Variants in RAPGEF1 observed in about 807,000 individuals in gnomAD.
RAPGEF1 encodes the protein CRK SH3-binding GNRP.
Under a neutral mutation model 143.3 loss-of-function variants are expected in RAPGEF1, and 33 were observed. That is an observed-to-expected ratio of 0.23 (90% confidence interval 0.17 to 0.31). RAPGEF1 has a LOEUF of 0.31. RAPGEF1 is among the 10% of genes least tolerant of loss of function. RAPGEF1 has a pLI of 1.00. For synonymous variants in RAPGEF1, 629 were observed against 676.5 expected (o/e 0.93, Z 1.09); for missense variants, 1,199 against 1,645.4 (o/e 0.73, Z 4.69).
chr9:131,582,833 C>T (rs553285603), intron 24 of RAPGEF1, 131 bp from the exon 25 acceptor site: 9 of 695,200 alleles, frequency 1.3e-5, no homozygotes, highest in South Asian at 3.9e-5. Context: ...GGTCCCACTA[C>T]GCACAAACAC....
At chr9:131,595,577 T>G (rs920458631) in intron 17 of RAPGEF1, among the ~76,000 whole-genome samples, 3 of 152,084 alleles carry the variant, frequency 2.0e-5, no homozygotes, top group Non-Finnish European at 4.4e-5. Flanking sequence ...AGAAGCAGCG[T>G]GTGGAGAGAC....
chr9:131,585,128 T>C (rs932287243), intron 22 of RAPGEF1, among the ~76,000 whole-genome samples: 1 of 152,172 alleles, frequency 6.6e-6, no homozygotes, highest in Non-Finnish European at 1.5e-5. Context: ...GGCCTCAATT[T>C]CCTGTGGTTC....
chr9:131,733,850 C>A (rs1837248108), intron 1 of RAPGEF1, among the ~76,000 whole-genome samples: 1 of 152,228 alleles, frequency 6.6e-6, no homozygotes, highest in African/African-American at 2.4e-5. Context: ...CAAGCTCACA[C>A]ATGACTCATC....
chr9:131,732,661 C>G (rs2131344300), intron 1 of RAPGEF1, among the ~76,000 whole-genome samples: 1 of 151,722 alleles, frequency 6.6e-6, no homozygotes, highest in South Asian at 2.1e-4. Flanking sequence ...AGATATTGGT[C>G]CTACTAATGT....
At chr9:131,684,747 G>A (rs370322791) in intron 1 of RAPGEF1, among the ~76,000 whole-genome samples, 2 of 152,302 alleles carry the variant, frequency 1.3e-5, no homozygotes, top group East Asian at 1.9e-4. Context: ...TAGAGGTTAT[G>A]CTTGTATTTC....
chr9:131,604,952 G>C lies in RAPGEF1; in HGVS notation c.2298C>G (p.Ser766=). 7.6e-7 allele frequency: 1 copy of C among 1,307,684 alleles called. No homozygotes were observed. Among genetic ancestry groups the C allele is most frequent in the Non-Finnish European group, 1.0e-6 (1 of 990,786 alleles). The allele number at this position is 1,307,684 out of a possible 1,614,324, so 81.0% of individuals were successfully genotyped here. A position where few individuals can be genotyped will look rare whatever the true frequency, so the allele number is the denominator to read the frequency against. Reference sequence around the variant, plus strand: ...TCACCGAGTCAGTGAAAGAGGTTTCGGAAGGAAGGCAGACAGTATTCCCAT... The same window carrying C: ...TCACCGAGTCAGTGAAAGAGGTTTCCGAAGGAAGGCAGACAGTATTCCCAT... ...SFHGNTVCLP[S]ETSFTDSSEN... The change falls in exon 13 of 27, where the codon TCC becomes TCG. Residue 766 remains serine (S), a synonymous_variant. Transcript: ENST00000683357.
chr9:131,598,122 A>G (rs1315678224), intron 16 of RAPGEF1, 77 bp downstream of exon 16: 8 of 1,279,890 alleles, frequency 6.3e-6, no homozygotes, highest in Non-Finnish European at 8.9e-6. Flanking sequence ...GCTTATGACA[A>G]GATCACATTC....
At chr9:131,648,489 C>G (rs1334235741) in intron 3 of RAPGEF1, among the ~76,000 whole-genome samples, 2 of 152,290 alleles carry the variant, frequency 1.3e-5, no homozygotes, top group Admixed American at 1.3e-4. Context: ...AATTCACTAG[C>G]AGGATAACGT....
intron 15 of RAPGEF1, among the ~76,000 whole-genome samples, chr9:131,600,234 C>T (rs895401303): frequency 5.6e-4 from 85 of 152,314 alleles, no homozygotes; most frequent in African/African-American, 1.9e-3. Flanking sequence ...GTGGTTTGGC[C>T]TTGATGGAGG....
chr9:131,665,337 G>C (rs982469404), intron 1 of RAPGEF1, among the ~76,000 whole-genome samples: 2 of 152,080 alleles, frequency 1.3e-5, no homozygotes, highest in African/African-American at 4.8e-5. Context: ...TTTTGCTTGA[G>C]TCCATCTGGC....
chr9:131,601,456 G>A (rs1489612768), intron 15 of RAPGEF1, among the ~76,000 whole-genome samples: 1 of 152,220 alleles, frequency 6.6e-6, no homozygotes, highest in Non-Finnish European at 1.5e-5. Context: ...AATTTGTAAG[G>A]TAGATAATAT....
chr9:131,711,624 C>T (rs1315640360), intron 1 of RAPGEF1, among the ~76,000 whole-genome samples: 1 of 152,228 alleles, frequency 6.6e-6, no homozygotes, highest in Non-Finnish European at 1.5e-5. Context: ...TCCCAAAGTG[C>T]TGGGATTACA....
chr9:131,733,854 A>G (rs1837248657), intron 1 of RAPGEF1, among the ~76,000 whole-genome samples: 1 of 152,050 alleles, frequency 6.6e-6, no homozygotes, highest in Non-Finnish European at 1.5e-5. Flanking sequence ...CTCACACATG[A>G]CTCATCTCTA....
chr9:131,618,327 T>C (rs1384441019), intron 12 of RAPGEF1, among the ~76,000 whole-genome samples: 1 of 152,206 alleles, frequency 6.6e-6, no homozygotes, highest in Non-Finnish European at 1.5e-5. Flanking sequence ...GTCCCAGGGA[T>C]GTCAGTGAGT....
intron 3 of RAPGEF1, among the ~76,000 whole-genome samples, chr9:131,649,330 T>C (rs113730297): frequency 3.2e-4 from 49 of 151,326 alleles, no homozygotes; most frequent in African/African-American, 1.0e-3. Flanking sequence ...GCTGGGATTA[T>C]AGGCGTGAAC....
chr9:131,737,747 G>A (rs1294537108), intron 1 of RAPGEF1, among the ~76,000 whole-genome samples: 2 of 152,072 alleles, frequency 1.3e-5, no homozygotes, highest in Admixed American at 6.5e-5. Flanking sequence ...GGCGGATCAC[G>A]AGGTCAGGAG....
Position 131,675,382 on chromosome 9 carries a change from C to CGAAG in RAPGEF1, c.62-24434_62-24433insCTTC, listed in dbSNP as rs1832156948. On this transcript the variant is annotated intron_variant, in intron 1 of 26. Coordinates refer to ENST00000683357, the MANE Select transcript of RAPGEF1 (RefSeq NM_001377935.1). The surrounding 1 kb of genome is among the most constrained non-coding windows in gnomAD (Gnocchi z 4.6). Reference sequence around the variant, plus strand: ...GCGGGAGCAGGGAGCCCGGCAGCTTCCTGCGGGTGCCGGGACGTGCCGTCC... The same window carrying CGAAG: ...GCGGGAGCAGGGAGCCCGGCAGCTTCGAAGCTGCGGGTGCCGGGACGTGCCGTCC... Among the ~76,000 whole-genome samples the CGAAG allele has an allele frequency of 6.6e-6, 1 of 152,174 alleles. No individual in the cohort carries two copies. The highest frequency in any genetic ancestry group is 6.5e-5 in the Admixed American group (1 of 15,288).
chr9:131,650,096 G>T lies in RAPGEF1; in HGVS notation c.315+33C>A. ...ACCAGGATTCTGCAGTAGAAGGCAA[G>T]GCAAACCCAATTGTTCTTAATGTTA... On this transcript the variant is annotated intron_variant, in intron 3 of 26. Transcript: ENST00000683357. This position sits in a 1 kb window ranked among gnomAD's most constrained non-coding sequence, Gnocchi z 4.7. The T allele has an allele frequency of 6.4e-7, 1 of 1,554,842 alleles. No individual in the cohort carries two copies. The highest frequency in any genetic ancestry group is 8.8e-7 in the Non-Finnish European group (1 of 1,131,554).
intron 1 of RAPGEF1, among the ~76,000 whole-genome samples, chr9:131,716,635 G>A (rs1291620147): frequency 6.6e-6 from 1 of 152,170 alleles, no homozygotes; most frequent in Non-Finnish European, 1.5e-5. Flanking sequence ...GCTAAGCATT[G>A]TGTTATGTGT....
Sources: gnomAD v4.1 joint callset for allele counts (sites outside exome capture counted in the v4.1 genomes callset) on GRCh38, gnomAD v4.1.1 for gene constraint, Gnocchi (gnomAD v3.1) non-coding constraint, MANE v1.5 for transcripts, NCBI Gene and HGNC (gene_info 2026-07-23, HGNC 2026-07-21) for gene names.